Variants in PTPRG observed in about 807,000 individuals in gnomAD.
The protein encoded by PTPRG is receptor-type tyrosine-protein phosphatase gamma.
In PTPRG, 102 loss-of-function variants were observed where a neutral mutation model predicts 165.3. That is an observed-to-expected ratio of 0.62 (90% CI 0.53 to 0.73). The LOEUF is 0.73. Ranked by LOEUF, PTPRG falls within the 30% of genes least tolerant of loss-of-function variation. The pLI is 0.00. For synonymous variants in PTPRG, 675 were observed against 669.5 expected (o/e 1.01, Z -0.13); for missense variants, 1,866 against 1,861.4 (o/e 1.00, Z -0.05).
At chr3:61,744,091 A>G (rs1247419753) in intron 1 of PTPRG, among the ~76,000 whole-genome samples, 2 of 152,196 alleles carry the variant, frequency 1.3e-5, no homozygotes, top group African/African-American at 2.4e-5. Context: ...CTGACTCTGT[A>G]TCTTTACTTG....
chr3:61,847,883 C>T (rs986760425), intron 2 of PTPRG, among the ~76,000 whole-genome samples: 16 of 152,250 alleles, frequency 1.1e-4, no homozygotes, highest in Admixed American at 9.8e-4. Context: ...TCTGATTCTG[C>T]TTCCACTGTT....
At chr3:62,115,443 C>T (rs1314356954) in intron 5 of PTPRG, among the ~76,000 whole-genome samples, 1 of 152,134 alleles carries the variant, frequency 6.6e-6, no homozygotes, top group Non-Finnish European at 1.5e-5. Context: ...TAGGTTACCA[C>T]TCGATGAAAA....
chr3:62,069,134 G>A (rs719195), intron 4 of PTPRG, among the ~76,000 whole-genome samples: 136,301 of 152,258 alleles, frequency 0.9, 61,063 homozygotes, highest in Middle Eastern at 0.93. Flanking sequence ...TTCTGGTCAT[G>A]AAGAAAGTCA....
At chr3:61,948,925 G>A (rs888533824) in intron 2 of PTPRG, among the ~76,000 whole-genome samples, 10 of 152,060 alleles carry the variant, frequency 6.6e-5, no homozygotes, top group Admixed American at 6.5e-4. Flanking sequence ...TTGTCACAGT[G>A]GGAATATAGC....
At chr3:61,580,028 A>C (rs185390770) in intron 1 of PTPRG, among the ~76,000 whole-genome samples, 1 of 150,442 alleles carries the variant, frequency 6.6e-6, no homozygotes, top group Admixed American at 6.6e-5. Context: ...AAAATAAAAA[A>C]TATGTCATAA....
chr3:61,886,254 A>G (rs2038033826), intron 2 of PTPRG, among the ~76,000 whole-genome samples: 1 of 152,072 alleles, frequency 6.6e-6, no homozygotes, highest in African/African-American at 2.4e-5. Flanking sequence ...AATTATAACC[A>G]TAACCCTCCT....
At chr3:61,940,644 G>T (rs1178782864) in intron 2 of PTPRG, among the ~76,000 whole-genome samples, 1 of 148,482 alleles carries the variant, frequency 6.7e-6, no homozygotes, top group Non-Finnish European at 1.5e-5. Flanking sequence ...GGATTCAGTA[G>T]ATGCTTTTAT....
At chr3:61,919,766 T>TA (rs2039032903) in intron 2 of PTPRG, among the ~76,000 whole-genome samples, 1 of 152,176 alleles carries the variant, frequency 6.6e-6, no homozygotes, top group Non-Finnish European at 1.5e-5. Flanking sequence ...TACCTAGCCA[T>TA]AGAGTTTTTA....
At chr3:61,921,576 A>T (rs943460386) in intron 2 of PTPRG, among the ~76,000 whole-genome samples, 1 of 152,206 alleles carries the variant, frequency 6.6e-6, no homozygotes, top group African/African-American at 2.4e-5. Context: ...TGTTTCAGGC[A>T]CAAACTTATT....
At chr3:61,860,067 G>T (rs906500734) in intron 2 of PTPRG, among the ~76,000 whole-genome samples, 2 of 152,084 alleles carry the variant, frequency 1.3e-5, no homozygotes, top group African/African-American at 2.4e-5. Flanking sequence ...ATTCCTGTTT[G>T]TACACCAATC....
At chr3:62,149,804 C>T (rs1704259828) in intron 6 of PTPRG, among the ~76,000 whole-genome samples, 1 of 152,210 alleles carries the variant, frequency 6.6e-6, no homozygotes, top group South Asian at 2.1e-4. Flanking sequence ...TCAGTTGTGT[C>T]ACCTCTTCAT....
At chr3:62,124,391 A>G (rs570787125) in intron 5 of PTPRG, 12 of 1,613,720 alleles carry the variant, frequency 7.4e-6, no homozygotes, top group Non-Finnish European at 1.0e-5. Flanking sequence ...CTGCAGGTCC[A>G]AGATGTAGTC....
chr3:61,595,985 G>GC (rs1323437292), intron 1 of PTPRG, among the ~76,000 whole-genome samples: 2 of 152,118 alleles, frequency 1.3e-5, no homozygotes, highest in African/African-American at 4.8e-5. Flanking sequence ...TTTATACATA[G>GC]CCTACGTTCA....
chr3:61,687,845 G>A (rs913594849), intron 1 of PTPRG, among the ~76,000 whole-genome samples: 1 of 152,102 alleles, frequency 6.6e-6, no homozygotes, highest in Admixed American at 6.5e-5. Context: ...TTTTATAGTA[G>A]GATTATGACT....
chr3:62,275,875 G>C lies in PTPRG; in HGVS notation c.3468G>C (p.Leu1156=). 1 of 1,601,414 alleles carries C rather than the reference G, an allele frequency of 6.2e-7. No individual in the cohort carries two copies. The highest frequency in any genetic ancestry group is 1.1e-5 in the South Asian group (1 of 89,080). ...GKTRLEKQFK[L]VTQCNAKYVE... ...CTAAAATGTTTTTTCTTTTTCAGCT[G>C]GTCACACAGTGTAATGCAAAATATG... The change falls in exon 24 of 30, where the codon CTG becomes CTC. Residue 1156 remains leucine (L), a splice_region_variant and synonymous_variant. Transcript: ENST00000474889.
At chr3:62,159,234 G>C (rs932843646) in intron 7 of PTPRG, among the ~76,000 whole-genome samples, 1 of 152,054 alleles carries the variant, frequency 6.6e-6, no homozygotes, top group Admixed American at 6.6e-5. Context: ...GGGAGGCTGA[G>C]GGGGGAGGAT....
chr3:61,907,292 T>C (rs2038681024), intron 2 of PTPRG, among the ~76,000 whole-genome samples: 2 of 152,144 alleles, frequency 1.3e-5, no homozygotes, highest in South Asian at 4.1e-4. Flanking sequence ...AAACCAACAA[T>C]TGAGAAGCCT....
chr3:61,716,165 C>T (rs936022672), intron 1 of PTPRG, among the ~76,000 whole-genome samples: 3 of 152,116 alleles, frequency 2.0e-5, no homozygotes, highest in African/African-American at 7.2e-5. Context: ...GCTTTTTTCC[C>T]CAGAATTGGG....
At chr3:61,835,512 C>T (rs1484326388) in intron 2 of PTPRG, among the ~76,000 whole-genome samples, 6 of 151,934 alleles carry the variant, frequency 3.9e-5, no homozygotes, top group Non-Finnish European at 7.4e-5. Flanking sequence ...TTTTGTATTC[C>T]TAGTAGAGAT....
Sources: gnomAD v4.1 joint callset for allele counts (sites outside exome capture counted in the v4.1 genomes callset) on GRCh38, gnomAD v4.1.1 for gene constraint, MANE v1.5 for transcripts, NCBI Gene and HGNC (gene_info 2026-07-23, HGNC 2026-07-21) for gene names.